Variants in ADGRG1 observed in about 807,000 individuals in gnomAD.
ADGRG1 encodes the protein 7-transmembrane protein with no EGF-like N-terminal domains-1.
A neutral mutation model predicts 73.5 loss-of-function variants in ADGRG1; 53 were observed. The ratio of observed to expected loss-of-function variants is 0.72; its 90% CI spans 0.58 to 0.91. ADGRG1 has a LOEUF of 0.91. Among genes scored for constraint, ADGRG1 ranks in the 40% least tolerant of loss-of-function variants. ADGRG1 has a pLI of 0.00. For synonymous variants in ADGRG1, 394 were observed against 374.4 expected (o/e 1.05, Z -0.60); for missense variants, 795 against 871.8 (o/e 0.91, Z 1.11).
At chr16:57,653,867 C>T in intron 4 of ADGRG1, 119 bp from the exon 5 acceptor site, 1 of 1,589,198 alleles carries the variant, frequency 6.3e-7, no homozygotes, top group East Asian at 2.2e-5. Flanking sequence ...CTCTCTGCCT[C>T]TGCCTCTGCC....
At chr16:57,626,550 C>G, upstream of ADGRG1, 1 of 979,138 alleles carries the variant, frequency 1.0e-6, no homozygotes, top group Non-Finnish European at 1.2e-6. Flanking sequence ...GTGAGAGAGG[C>G]AGGCAGAGCT....
At chr16:57,650,726 T>TTTA (rs2043846089) in intron 2 of ADGRG1, among the ~76,000 whole-genome samples, 1 of 149,974 alleles carries the variant, frequency 6.7e-6, no homozygotes, top group African/African-American at 2.5e-5. Context: ...TTTTTTTTTT[T>TTTA]GAGACGGAGT....
intron 1 of ADGRG1, chr16:57,639,711 T>G: frequency 1.7e-5 from 16 of 952,960 alleles, no homozygotes; most frequent in Non-Finnish European, 2.0e-5. Flanking sequence ...CCCCGTCCCT[T>G]TCACTCCTGC....
rs145325741 is a variant in ADGRG1 at position 57,658,513 on chromosome 16, G to A, written c.1287-900G>A. Reference sequence around the variant, plus strand: ...GAGGAAAGTGAAGCTGTATTTATGCGTGTGCACAAGCACGTGTGTGCCTAT... The same window carrying A: ...GAGGAAAGTGAAGCTGTATTTATGCATGTGCACAAGCACGTGTGTGCCTAT... On this transcript the variant is annotated intron_variant, in intron 10 of 13. Transcript: ENST00000562631. Among the ~76,000 whole-genome samples, 720 of 152,326 alleles carry A rather than the reference G, an allele frequency of 4.7e-3. 14 individuals are homozygous for A. The highest frequency in any genetic ancestry group is 4.6e-3 in the African/African-American group (193 of 41,566).
upstream of ADGRG1, chr16:57,622,795 A>G (rs1246869332): frequency 2.0e-6 from 2 of 985,180 alleles, no homozygotes; most frequent in Non-Finnish European, 2.4e-6. Context: ...TCTACCTTCT[A>G]TCTCAGGCAG....
At chr16:57,628,937 T>C in intron 1 of ADGRG1, 135 bp downstream of exon 1, 1 of 774,780 alleles carries the variant, frequency 1.3e-6, no homozygotes, top group Non-Finnish European at 1.5e-6. Flanking sequence ...AGTGTGAGTG[T>C]GAGCGTGAGA....
intron 1 of ADGRG1, chr16:57,636,147 T>C (rs2039313097): frequency 2.9e-5 from 29 of 985,192 alleles, no homozygotes; most frequent in Non-Finnish European, 3.3e-5. Flanking sequence ...GGGACCCACT[T>C]TTCTTTGCAC....
At chr16:57,637,035 G>A (rs1466134) in intron 1 of ADGRG1, among the ~76,000 whole-genome samples, 47,314 of 151,988 alleles carry the variant, frequency 0.31, 7,698 homozygotes, top group East Asian at 0.41. Context: ...TATGCTGAGG[G>A]AAAAGTGCAC....
chr16:57,644,237 C>G, intron 1 of ADGRG1: 1 of 962,856 alleles, frequency 1.0e-6, no homozygotes, highest in Non-Finnish European at 1.2e-6. Flanking sequence ...TGCACACACA[C>G]TCATGCACAC....
intron 1 of ADGRG1, among the ~76,000 whole-genome samples, chr16:57,634,793 G>T (rs1437271495): frequency 6.6e-6 from 1 of 152,244 alleles, no homozygotes; most frequent in South Asian, 2.1e-4. Flanking sequence ...TGGGGGAGAT[G>T]GGCACCCAAT....
chr16:57,642,308 C>A (rs1053117737), intron 1 of ADGRG1: 9 of 985,202 alleles, frequency 9.1e-6, no homozygotes, highest in Non-Finnish European at 9.6e-6. Context: ...TCACCAGGGA[C>A]CTCTTTCCTG....
chr16:57,636,196 A>C, intron 1 of ADGRG1: 1 of 985,196 alleles, frequency 1.0e-6, no homozygotes, highest in Non-Finnish European at 1.2e-6. Context: ...GAACCACAGG[A>C]GTGGGCCTTT....
upstream of ADGRG1, chr16:57,622,995 A>T: frequency 1.0e-6 from 1 of 985,464 alleles, no homozygotes; most frequent in Non-Finnish European, 1.2e-6. Flanking sequence ...TCTTGTTGGC[A>T]TGTGGTCAAG....
rs552832988 is a variant in ADGRG1 at position 57,655,755 on chromosome 16, C to T, written c.901-121C>T. The T allele has an allele frequency of 7.7e-5, 124 of 1,608,658 alleles. 2 individuals carry two copies. The South Asian group carries it at 8.2e-4, about 11-fold the overall frequency. On this transcript the variant is annotated intron_variant, in intron 6 of 13. Coordinates refer to ENST00000562631, the MANE Select transcript of ADGRG1 (RefSeq NM_201525.4). ...GGGCAAAAGTGGTTCCAGAGGGAGA[C>T]GCAGCATCTCAAGGCAATGTGCTGG...
Position 57,655,302 on chromosome 16 carries a change from C to T in ADGRG1, c.769-97C>T, listed in dbSNP as rs537412930. ...GAAGAAATGGGCTTAGAAGTGGCAG[C>T]GTCCAGGAACGGATGGGTGTGTGTG... On this transcript the variant is annotated intron_variant, in intron 5 of 13. Transcript: ENST00000562631. 6.7e-3 allele frequency: 10,568 copies of T among 1,578,980 alleles called. 52 individuals are homozygous for T. Among genetic ancestry groups the T allele is most frequent in the Non-Finnish European group, 7.9e-3 (9,256 of 1,167,480 alleles).
At chr16:57,637,449 G>A (rs1022225666) in intron 1 of ADGRG1, 4 of 985,194 alleles carry the variant, frequency 4.1e-6, no homozygotes, top group East Asian at 1.1e-4. Flanking sequence ...AAGGCGTGGT[G>A]TGCCTCGTCT....
chr16:57,639,585 G>C, intron 1 of ADGRG1: 1 of 985,398 alleles, frequency 1.0e-6, no homozygotes, highest in Non-Finnish European at 1.2e-6. Context: ...AGCCCCGCAG[G>C]CTACTGCCTG....
chr16:57,631,834 G>A, intron 1 of ADGRG1: 13 of 984,886 alleles, frequency 1.3e-5, no homozygotes, highest in Non-Finnish European at 1.6e-5. Context: ...CCCCATCTGG[G>A]GCTCCTTGAG....
At position 57,663,661 on chromosome 16, in the gene ADGRG1, C is replaced by A; in HGVS notation, c.*79C>A. 6.7e-7 allele frequency: 1 copy of A among 1,490,328 alleles called. No individual in the cohort carries two copies. Among genetic ancestry groups the A allele is most frequent in the Non-Finnish European group, 9.3e-7 (1 of 1,081,052 alleles). The allele number at this position is 1,490,328 out of a possible 1,614,324, so 92.3% of individuals were successfully genotyped here. ...CTGCCTGTGGCCCCCGAGCCCGGCC[C>A]AGCCCCAGGCCAGTCAGCCGCAGAC... On this transcript the variant is annotated 3_prime_UTR_variant, in exon 14 of 14. Coordinates refer to ENST00000562631, the MANE Select transcript of ADGRG1 (RefSeq NM_201525.4).
Sources: gnomAD v4.1 joint callset for allele counts (sites outside exome capture counted in the v4.1 genomes callset) on GRCh38, gnomAD v4.1.1 for gene constraint, MANE v1.5 for transcripts, NCBI Gene and HGNC (gene_info 2026-07-23, HGNC 2026-07-21) for gene names.